Variants in SCFD2 observed in about 807,000 individuals in gnomAD.
SCFD2 encodes sec1 family domain-containing protein 2.
SCFD2 carries 54 observed loss-of-function variants against 58.9 expected under a neutral mutation model. The observed-to-expected ratio is 0.92, with a 90% CI of 0.74 to 1.15. The LOEUF is 1.15. Ranked by LOEUF, SCFD2 falls within the 50% of genes most tolerant of loss-of-function variation. SCFD2 has a pLI of 0.00. For synonymous variants in SCFD2, 321 were observed against 335.9 expected (o/e 0.96, Z 0.49); for missense variants, 805 against 836.6 (o/e 0.96, Z 0.47).
chr4:53,214,450 T>C (rs1197772036), intron 4 of SCFD2, among the ~76,000 whole-genome samples: 1 of 152,160 alleles, frequency 6.6e-6, no homozygotes, highest in Admixed American at 6.5e-5. Context: ...TGCATAAATG[T>C]CTTCTTTTGA....
At chr4:53,309,788 TA>T (rs922569897) in intron 3 of SCFD2, among the ~76,000 whole-genome samples, 59 of 152,300 alleles carry the variant, frequency 3.9e-4, no homozygotes, top group African/African-American at 1.4e-3. Context: ...CAAATAACCT[TA>T]TAATTTAGTT....
intron 3 of SCFD2, among the ~76,000 whole-genome samples, chr4:53,289,841 C>A (rs1261780210): frequency 6.6e-6 from 1 of 152,044 alleles, no homozygotes; most frequent in Non-Finnish European, 1.5e-5. Context: ...GGTAGCTATA[C>A]TTAGATAAAA....
intron 5 of SCFD2, among the ~76,000 whole-genome samples, chr4:52,975,232 C>T (rs1195345170): frequency 6.6e-6 from 1 of 152,124 alleles, no homozygotes; most frequent in African/African-American, 2.4e-5. Context: ...AGTGAACAGG[C>T]AACCTACAGA....
chr4:52,932,649 CT>C (rs1720026004), intron 5 of SCFD2, among the ~76,000 whole-genome samples: 2 of 152,200 alleles, frequency 1.3e-5, no homozygotes, highest in South Asian at 2.1e-4. Flanking sequence ...CCTAAAGTTC[CT>C]TTCATCCCTT....
chr4:53,077,079 C>A (rs966026632), intron 5 of SCFD2, among the ~76,000 whole-genome samples: 1 of 152,090 alleles, frequency 6.6e-6, no homozygotes, highest in African/African-American at 2.4e-5. Context: ...ACTCCTTGTT[C>A]TCTGGAGAAA....
At chr4:52,943,660 G>A (rs569660959) in intron 5 of SCFD2, among the ~76,000 whole-genome samples, 121 of 152,264 alleles carry the variant, frequency 7.9e-4, no homozygotes, top group African/African-American at 2.8e-3. Context: ...TAGGGGAGGA[G>A]CTTTGTTGGT....
intron 4 of SCFD2, among the ~76,000 whole-genome samples, chr4:53,212,944 G>C (rs909719313): frequency 6.6e-6 from 1 of 151,780 alleles, no homozygotes; most frequent in African/African-American, 2.4e-5. Context: ...AGAAAAGCCA[G>C]CAAACTAGGT....
At chr4:53,072,633 GT>G (rs201780840) in intron 5 of SCFD2, among the ~76,000 whole-genome samples, 3 of 152,070 alleles carry the variant, frequency 2.0e-5, no homozygotes, top group African/African-American at 7.2e-5. Context: ...GTCCTAACTA[GT>G]TTTTTGTGCC....
intron 5 of SCFD2, among the ~76,000 whole-genome samples, chr4:53,050,379 C>T (rs369508711): frequency 1.3e-5 from 2 of 152,122 alleles, no homozygotes; most frequent in East Asian, 1.9e-4. Context: ...AAATAGCTGT[C>T]GTGATTAAAC....
chr4:53,207,540 T>TATATA (rs1404242213), intron 4 of SCFD2, among the ~76,000 whole-genome samples: 4 of 23,370 alleles, frequency 1.7e-4, no homozygotes, highest in Non-Finnish European at 3.2e-4. Context: ...TTATATATTA[T>TATATA]ATATATAATA....
chr4:53,090,520 C>G (rs6828460), intron 5 of SCFD2, among the ~76,000 whole-genome samples: 1,797 of 152,122 alleles, frequency 0.012, 42 homozygotes, highest in African/African-American at 0.041. Context: ...AGAGAGAGTA[C>G]AAGAAAGGAT....
intron 3 of SCFD2, among the ~76,000 whole-genome samples, chr4:53,297,883 G>A (rs1231599825): frequency 1.3e-5 from 2 of 152,158 alleles, no homozygotes; most frequent in African/African-American, 4.8e-5. Flanking sequence ...TTGTTTGTCT[G>A]TAAAGAATTT....
At chr4:53,048,825 C>A (rs548219676) in intron 5 of SCFD2, among the ~76,000 whole-genome samples, 1 of 152,264 alleles carries the variant, frequency 6.6e-6, no homozygotes, top group South Asian at 2.1e-4. Context: ...TCCTCTAAAG[C>A]TGCTCACATC....
At chr4:53,082,691 C>T (rs1006224189) in intron 5 of SCFD2, among the ~76,000 whole-genome samples, 1 of 152,028 alleles carries the variant, frequency 6.6e-6, no homozygotes, top group African/African-American at 2.4e-5. Context: ...AGGTCCCAAA[C>T]AGAACAAAAG....
At chr4:53,239,124 C>T (rs994431004) in intron 4 of SCFD2, among the ~76,000 whole-genome samples, 2 of 150,480 alleles carry the variant, frequency 1.3e-5, no homozygotes, top group African/African-American at 4.9e-5. Flanking sequence ...CTCAGGAGGC[C>T]GAGGCTGGTG....
In SCFD2 at chr4:53,087,570, T is replaced by A. The variant is rs145884256; in HGVS notation, c.1561+57763A>T. On this transcript the variant is annotated intron_variant, in intron 5 of 8. Coordinates refer to ENST00000401642, the MANE Select transcript of SCFD2 (RefSeq NM_152540.4). ...CTAGTCTCGAATTCCTGACCTCAGG[T>A]GATCTGCCTGCCTTGGCTTCCCAAA... Among the ~76,000 whole-genome samples, 39 of 152,168 alleles carry A rather than the reference T, an allele frequency of 2.6e-4. No homozygotes were observed. In the East Asian group the frequency reaches 7.1e-3, roughly 28 times the overall value.
At chr4:53,224,734 G>A (rs1729151182) in intron 4 of SCFD2, among the ~76,000 whole-genome samples, 1 of 151,868 alleles carries the variant, frequency 6.6e-6, no homozygotes, top group African/African-American at 2.4e-5. Context: ...CTAAGTTTTG[G>A]GGTAATTTGC....
At chr4:53,077,525 C>T (rs1724012864) in intron 5 of SCFD2, among the ~76,000 whole-genome samples, 1 of 152,060 alleles carries the variant, frequency 6.6e-6, no homozygotes, top group Non-Finnish European at 1.5e-5. Context: ...GCAACCTCCG[C>T]CTCCTGGGTT....
intron 4 of SCFD2, among the ~76,000 whole-genome samples, chr4:53,249,243 G>A (rs1730250721): frequency 6.6e-6 from 1 of 151,958 alleles, no homozygotes; most frequent in Non-Finnish European, 1.5e-5. Context: ...AAGTGAGAAG[G>A]GAAGTTTAGA....
Sources: allele counts gnomAD v4.1 joint callset (sites outside exome capture counted in the v4.1 genomes callset), GRCh38; gene constraint gnomAD v4.1.1; transcripts MANE v1.5; gene names NCBI Gene and HGNC (gene_info 2026-07-23, HGNC 2026-07-21).